NFIC: variants seen among roughly 807,000 people sequenced by gnomAD.
NFIC encodes the protein nuclear factor I C.
Under a neutral mutation model 54.4 loss-of-function variants are expected in NFIC, and 12 were observed. The ratio of observed to expected loss-of-function variants is 0.22; its 90% CI spans 0.14 to 0.36. The LOEUF (loss-of-function observed/expected upper bound fraction) is 0.36, where lower values mean the gene tolerates loss of function less well. NFIC is among the 10% of genes least tolerant of loss of function. The pLI, the probability that NFIC is intolerant of heterozygous loss-of-function variation, is 1.00. For synonymous variants in NFIC, 322 were observed against 319.2 expected (o/e 1.01, Z -0.09); for missense variants, 575 against 718.2 (o/e 0.80, Z 2.28).
upstream of NFIC, among the ~76,000 whole-genome samples, chr19:3,362,431 C>G (rs973460027): frequency 6.6e-6 from 1 of 151,162 alleles, no homozygotes; most frequent in Non-Finnish European, 1.5e-5. Flanking sequence ...GTGTGTGTCT[C>G]TGCTCGCCCC....
intron 2 of NFIC, among the ~76,000 whole-genome samples, chr19:3,389,063 G>T (rs931102174): frequency 3.3e-5 from 5 of 152,258 alleles, no homozygotes; most frequent in Non-Finnish European, 5.9e-5. Context: ...CAAACTAAAA[G>T]TGCCCTTTGA....
In NFIC at chr19:3,463,860, C is replaced by T; in HGVS notation, c.*1091C>T. The T allele has an allele frequency of 1.0e-6, 1 of 984,110 alleles. No homozygotes were observed. The highest frequency in any genetic ancestry group is 1.2e-6 in the Non-Finnish European group (1 of 829,130). The allele number at this position is 984,110 out of a possible 1,614,324, so 61.0% of individuals were successfully genotyped here. On this transcript the variant is annotated 3_prime_UTR_variant, in exon 11 of 11. Transcript: ENST00000443272. ...AAGTGCCTGATTACCACCACCCGCC[C>T]CCCCCTTTGTCCAGCTGGGACACGG...
Position 3,382,075 on chromosome 19 carries a change from C to T in NFIC, c.394C>T (p.Leu132=), listed in dbSNP as rs753931954. ...GGCGGACAAGGTGTGGCGGCTGGACCTGGTCATGGTCATCCTGTTCAAGGG... is the reference window on the plus strand; with the variant it reads ...GGCGGACAAGGTGTGGCGGCTGGACTTGGTCATGGTCATCCTGTTCAAGGG... The part of the protein sequence containing the change: ...RQADKVWRLD[L]VMVILFKGIP... Residue 132 remains leucine (L), a synonymous_variant, in exon 2 of 11, where the codon CTG becomes TTG. Coordinates refer to ENST00000443272, the MANE Select transcript of NFIC (RefSeq NM_001245002.2). 59 of 1,613,108 alleles carry T rather than the reference C, an allele frequency of 3.7e-5. No individual in the cohort carries two copies. The highest frequency in any genetic ancestry group is 4.7e-5 in the Non-Finnish European group (55 of 1,179,960).
chr19:3,366,412 A>G, upstream of NFIC: 2 of 456,518 alleles, frequency 4.4e-6, no homozygotes, highest in Non-Finnish European at 7.8e-6. Context: ...GGAGAGAGGA[A>G]GAGAGAGACG....
At chr19:3,433,411 G>T (rs907436833) in intron 3 of NFIC, 107 bp from the exon 4 acceptor site, 16 of 1,134,880 alleles carry the variant, frequency 1.4e-5, no homozygotes, top group Non-Finnish European at 1.9e-5. Context: ...TGGACAGGGG[G>T]AACGTCCAGG....
intron 1 of NFIC, among the ~76,000 whole-genome samples, chr19:3,380,012 G>GTT (rs878994460): frequency 6.7e-6 from 1 of 149,156 alleles, no homozygotes; most frequent in Non-Finnish European, 1.5e-5. Flanking sequence ...GTTTTGTTTT[G>GTT]TTTTTTGAGA....
Position 3,370,636 on chromosome 19 carries a change from CTT to C in NFIC, c.30+3971_30+3972del, listed in dbSNP as rs932634519. Among the ~76,000 whole-genome samples, 2 of 150,602 alleles carry C rather than the reference CTT, an allele frequency of 1.3e-5. No homozygotes were observed. The highest frequency in any genetic ancestry group is 2.4e-5 in the African/African-American group (1 of 40,912). On this transcript the variant is annotated intron_variant, in intron 1 of 10. Transcript: ENST00000443272. The surrounding 1 kb of genome is among the most constrained non-coding windows in gnomAD (Gnocchi z 5.2). ...CCCTTCTCTCCCTCTCTCCTTCTCT[CTT>C]CTCTCTCTCTTTCTCCCTCCCTACC... is the stretch of plus-strand genomic sequence containing the variant.
chr19:3,429,136 TACACACACACACACACAC>T (rs57006287), intron 3 of NFIC, among the ~76,000 whole-genome samples: 2 of 83,874 alleles, frequency 2.4e-5, no homozygotes, highest in Non-Finnish European at 4.4e-5. Context: ...AAAAAAAATA[TACACACACACACACACAC>T]ACACACACAC....
intron 1 of NFIC, among the ~76,000 whole-genome samples, chr19:3,360,942 C>T (rs956903647): frequency 6.6e-6 from 1 of 152,208 alleles, no homozygotes; most frequent in Non-Finnish European, 1.5e-5. Flanking sequence ...CTGAGCCTCC[C>T]CCTAGGGAAG....
chr19:3,371,998 CCTCTCTCTCTCT>C (rs56852086), intron 1 of NFIC, among the ~76,000 whole-genome samples: 883 of 35,414 alleles, frequency 0.025, 70 homozygotes, highest in African/African-American at 0.082. Flanking sequence ...CCTCTCTCTC[CCTCTCTCTCTCT>C]CTCTCTCTCT....
At chr19:3,379,750 C>CG (rs2081170749) in intron 1 of NFIC, among the ~76,000 whole-genome samples, 2 of 134,154 alleles carry the variant, frequency 1.5e-5, no homozygotes, top group Non-Finnish European at 3.0e-5. Context: ...AGATCAATGG[C>CG]GCAACCTTGG....
At chr19:3,454,069 G>A (rs2082513323) in intron 9 of NFIC, 153 bp downstream of exon 9, 5 of 1,378,478 alleles carry the variant, frequency 3.6e-6, no homozygotes, top group Admixed American at 3.8e-5. Flanking sequence ...GTGGCCACGT[G>A]GTTGGGCCCA....
Position 3,467,108 on chromosome 19 carries a change from G to GTT in NFIC, c.*4345_*4346dup. 6.7e-6 allele frequency: 1 copy of GTT among 148,752 alleles called. No individual in the cohort carries two copies. Among genetic ancestry groups the GTT allele is most frequent in the African/African-American group, 2.6e-5 (1 of 38,804 alleles). 9.2% of individuals were successfully genotyped at this position (148,752 alleles called of 1,614,324 possible). A position where few individuals can be genotyped will look rare whatever the true frequency, so the allele number is the denominator to read the frequency against. ...GAGGGAGTGTTGGTTTTTTGTTTTT[G>GTT]TTTTTTTAACATGTATGAAACTGAC... On this transcript the variant is annotated 3_prime_UTR_variant, in exon 11 of 11. Coordinates refer to ENST00000443272, the MANE Select transcript of NFIC (RefSeq NM_001245002.2).
chr19:3,394,596 A>G (rs976989523), intron 2 of NFIC, among the ~76,000 whole-genome samples: 52 of 134,674 alleles, frequency 3.9e-4, no homozygotes, highest in African/African-American at 1.4e-3. Context: ...ACACGTGGCC[A>G]GGGGCTGCTG....
intron 6 of NFIC, among the ~76,000 whole-genome samples, chr19:3,447,031 G>A (rs994788022): frequency 2.0e-5 from 3 of 152,170 alleles, no homozygotes; most frequent in Non-Finnish European, 4.4e-5. Context: ...GGGTGCAGTG[G>A]CTCACGCCTA....
At chr19:3,450,344 CA>C (rs756068500) in intron 7 of NFIC, among the ~76,000 whole-genome samples, 36 of 66,068 alleles carry the variant, frequency 5.4e-4, no homozygotes, top group Admixed American at 1.2e-3. Context: ...GACTCCATCT[CA>C]AAAAAAAAAA....
chr19:3,407,402 C>G (rs1356129110), intron 2 of NFIC, among the ~76,000 whole-genome samples: 3 of 150,586 alleles, frequency 2.0e-5, no homozygotes, highest in African/African-American at 7.4e-5. Context: ...CGTGAGCCAC[C>G]GCGCCCGGCC....
intron 2 of NFIC, among the ~76,000 whole-genome samples, chr19:3,414,775 C>T (rs1008354050): frequency 6.6e-5 from 10 of 151,908 alleles, no homozygotes; most frequent in African/African-American, 2.2e-4. Flanking sequence ...CTGCAAACCC[C>T]GACTCTGTGA....
intron 5 of NFIC, 96 bp downstream of exon 5, chr19:3,434,496 C>A (rs2082167822): frequency 1.4e-6 from 2 of 1,450,080 alleles, no homozygotes; most frequent in Non-Finnish European, 1.8e-6. Context: ...CCCTGGAATA[C>A]CTCTTTTCAC....
Sources: allele counts gnomAD v4.1 joint callset (sites outside exome capture counted in the v4.1 genomes callset), GRCh38; gene constraint gnomAD v4.1.1; non-coding constraint Gnocchi (gnomAD v3.1); transcripts MANE v1.5; gene names NCBI Gene and HGNC (gene_info 2026-07-23, HGNC 2026-07-21).